The following YTHDC2 variants were observed in gnomAD, a reference collection of about 807,000 sequenced individuals.
YTHDC2 encodes the protein YTH N6-methyladenosine RNA binding protein C2.
In YTHDC2, 45 loss-of-function variants were observed where a neutral mutation model predicts 174.9. The observed-to-expected ratio is 0.26, with a 90% CI of 0.20 to 0.33. The LOEUF (loss-of-function observed/expected upper bound fraction) is 0.33. Ranked by LOEUF, YTHDC2 falls within the 10% of genes least tolerant of loss-of-function variation. The pLI is 1.00. For synonymous variants in YTHDC2, 657 were observed against 574.5 expected, an observed-to-expected ratio of 1.14 and a Z score of -2.05; for missense variants, 1,650 against 1,723.7, an observed-to-expected ratio of 0.96 and a Z score of 0.76.
intron 2 of YTHDC2, among the ~76,000 whole-genome samples, chr5:113,517,765 C>T (rs979333742): frequency 5.9e-5 from 9 of 152,040 alleles, no homozygotes; most frequent in Admixed American, 5.9e-4. Context: ...AATGCCTTTT[C>T]TTCTTTTCAC....
intron 28 of YTHDC2, 134 bp from the exon 29 acceptor site, chr5:113,593,169 A>C (rs1238980211): frequency 3.2e-6 from 2 of 621,970 alleles, no homozygotes; most frequent in Non-Finnish European, 5.6e-6. Flanking sequence ...TTCATACCAG[A>C]TGATTTTAGC....
chr5:113,548,719 TC>T, intron 11 of YTHDC2, 52 bp downstream of exon 11: 1 of 1,506,208 alleles, frequency 6.6e-7, no homozygotes, highest in South Asian at 1.4e-5. Flanking sequence ...GCTACACATA[TC>T]TTTTTTTGTT....
intron 25 of YTHDC2, 192 bp downstream of exon 25, chr5:113,581,901 T>C (rs141263555): frequency 6.0e-5 from 26 of 429,804 alleles, no homozygotes; most frequent in Admixed American, 4.4e-4. Flanking sequence ...TAAGGTAATA[T>C]GAATTTTAAA....
At chr5:113,520,166 C>T (rs1773765066) in intron 2 of YTHDC2, among the ~76,000 whole-genome samples, 2 of 152,078 alleles carry the variant, frequency 1.3e-5, no homozygotes, top group Non-Finnish European at 2.9e-5. Flanking sequence ...TTTTCTGTTC[C>T]TGTGTTAGTT....
chr5:113,537,296 A>G (rs1775146880), intron 7 of YTHDC2, among the ~76,000 whole-genome samples: 2 of 150,514 alleles, frequency 1.3e-5, no homozygotes, highest in Non-Finnish European at 2.9e-5. Flanking sequence ...CCAATCTGAT[A>G]TTCAAATTTT....
At chr5:113,522,737 C>A (rs529300364) in intron 2 of YTHDC2, among the ~76,000 whole-genome samples, 1 of 152,036 alleles carries the variant, frequency 6.6e-6, no homozygotes, top group Non-Finnish European at 1.5e-5. Flanking sequence ...ATGTTTCCAT[C>A]CTCACAACAA....
intron 1 of YTHDC2, 22 bp from the exon 2 acceptor site, chr5:113,515,250 A>G (rs749351844): frequency 2.0e-5 from 32 of 1,586,950 alleles, no homozygotes; most frequent in Admixed American, 7.3e-5. Flanking sequence ...AAATTTTACT[A>G]CTTTGTTTTT....
At position 113,591,168 on chromosome 5, in the gene YTHDC2, G is replaced by A. The variant is rs1345338539; in HGVS notation, c.3953G>A (p.Arg1318Gln). The part of the protein sequence containing the change: ...GIWSTTPSNE[R>Q]KLNRAFWESS... ...TGGTCTACAACTCCTAGTAATGAAC[G>A]GAAGCTAAATCGAGCCTTTTGGGAA... is the stretch of plus-strand genomic sequence containing the variant. The change falls in exon 27 of 30, where the codon CGG (arginine) becomes CAG (glutamine). Residue 1318 changes from arginine to glutamine, a missense_variant. Transcript: ENST00000161863. 8 of 1,613,878 alleles carry A rather than the reference G, an allele frequency of 5.0e-6. No individual in the cohort carries two copies. Among genetic ancestry groups the A allele is most frequent in the East Asian group, 4.5e-5 (2 of 44,862 alleles).
At position 113,513,811 on chromosome 5, in the gene YTHDC2, GC is replaced by G; in HGVS notation, c.-81del. 2.8e-6 allele frequency: 4 copies of G among 1,431,260 alleles called. No individual in the cohort carries two copies. Among genetic ancestry groups the G allele is most frequent in the Non-Finnish European group, 3.7e-6 (4 of 1,085,522 alleles). 88.7% of individuals were successfully genotyped at this position (1,431,260 alleles called of 1,614,324 possible). A position where few individuals can be genotyped will look rare whatever the true frequency, so the allele number is the denominator to read the frequency against. On this transcript the variant is annotated 5_prime_UTR_variant, in exon 1 of 30. Coordinates refer to ENST00000161863, the MANE Select transcript of YTHDC2 (RefSeq NM_022828.5). ...CCGTCTCCGGAGCTTCCCGGTAGTGGCCCCGGATTCCCACGGTCTTTGTCAT... is the reference window on the plus strand; with the variant it reads ...CCGTCTCCGGAGCTTCCCGGTAGTGGCCCGGATTCCCACGGTCTTTGTCAT...
chr5:113,558,135 T>C (rs1776735612), intron 17 of YTHDC2, among the ~76,000 whole-genome samples: 1 of 152,240 alleles, frequency 6.6e-6, no homozygotes, highest in South Asian at 2.1e-4. Context: ...GGTATACTTA[T>C]TTGCCTAAAG....
chr5:113,543,181 T>A (rs972016584), intron 10 of YTHDC2, among the ~76,000 whole-genome samples: 1 of 152,202 alleles, frequency 6.6e-6, no homozygotes, highest in Non-Finnish European at 1.5e-5. Context: ...TAAATATACC[T>A]TATCACTTGT....
intron 17 of YTHDC2, among the ~76,000 whole-genome samples, chr5:113,559,802 A>G (rs1204213837): frequency 6.6e-6 from 1 of 152,234 alleles, no homozygotes; most frequent in African/African-American, 2.4e-5. Context: ...TTGTAACAGA[A>G]GATGAACCAT....
chr5:113,561,002 C>T, intron 17 of YTHDC2, 78 bp from the exon 18 acceptor site: 1 of 1,217,552 alleles, frequency 8.2e-7, no homozygotes, highest in African/African-American at 1.5e-5. Flanking sequence ...TTTTCTCTTT[C>T]CTAAATCACA....
intron 23 of YTHDC2, among the ~76,000 whole-genome samples, 196 bp downstream of exon 23, chr5:113,568,045 A>C (rs1004971860): frequency 1.3e-5 from 2 of 152,102 alleles, no homozygotes; most frequent in African/African-American, 4.8e-5. Flanking sequence ...AGGTAACTTG[A>C]TGTTTATTTG....
At chr5:113,520,043 C>G (rs1248450916) in intron 2 of YTHDC2, among the ~76,000 whole-genome samples, 1 of 152,164 alleles carries the variant, frequency 6.6e-6, no homozygotes, top group African/African-American at 2.4e-5. Context: ...TAATGCTCTT[C>G]CTTTCCTTTC....
chr5:113,531,239 G>T (rs1264687233), intron 4 of YTHDC2, among the ~76,000 whole-genome samples: 6 of 152,202 alleles, frequency 3.9e-5, no homozygotes, highest in Admixed American at 6.5e-5. Flanking sequence ...TCCTGACCCA[G>T]TGATGGATGA....
chr5:113,568,362 T>C (rs1279655633), intron 23 of YTHDC2, among the ~76,000 whole-genome samples: 3 of 152,196 alleles, frequency 2.0e-5, no homozygotes, highest in Admixed American at 6.6e-5. Flanking sequence ...TGCATTTTTT[T>C]CCTTCAACTT....
At chr5:113,521,373 C>T (rs1773847953) in intron 2 of YTHDC2, among the ~76,000 whole-genome samples, 1 of 152,108 alleles carries the variant, frequency 6.6e-6, no homozygotes, top group South Asian at 2.1e-4. Flanking sequence ...AGTAGGTGCT[C>T]TGAGGAGTTA....
chr5:113,567,386 CT>C, intron 22 of YTHDC2, 89 bp downstream of exon 22: 1 of 763,528 alleles, frequency 1.3e-6, no homozygotes, highest in Non-Finnish European at 1.8e-6. Context: ...TACCTGCCTG[CT>C]TTAAGAAATT....
Sources: gnomAD v4.1 joint callset for allele counts (sites outside exome capture counted in the v4.1 genomes callset) on GRCh38, gnomAD v4.1.1 for gene constraint, MANE v1.5 for transcripts, NCBI Gene and HGNC (gene_info 2026-07-23, HGNC 2026-07-21) for gene names.